Variants in ZPLD1 observed in about 807,000 individuals in gnomAD.
ZPLD1 encodes zona pellucida-like domain-containing protein 1.
Under a neutral mutation model 47.2 loss-of-function variants are expected in ZPLD1, and 34 were observed. The observed-to-expected ratio is 0.72, with a 90% CI of 0.55 to 0.96. The LOEUF (loss-of-function observed/expected upper bound fraction) is 0.96, where lower values mean the gene tolerates loss of function less well. ZPLD1 is among the 40% of genes least tolerant of loss of function. The pLI is 0.00. For missense variants in ZPLD1, 512 were observed against 505.8 expected (o/e 1.01, Z -0.12); for synonymous variants, 176 against 186.2 (o/e 0.95, Z 0.45).
intron 6 of ZPLD1, among the ~76,000 whole-genome samples, chr3:102,390,172 G>A (rs13315672): frequency 0.44 from 66,871 of 151,850 alleles, 15,834 homozygotes; most frequent in African/African-American, 0.59. Context: ...TCAAATAAAC[G>A]TACAATCTAT....
chr3:102,395,960 T>A (rs1362905971), intron 7 of ZPLD1, among the ~76,000 whole-genome samples: 1 of 152,210 alleles, frequency 6.6e-6, no homozygotes, highest in Admixed American at 6.5e-5. Context: ...GGTCTTGACA[T>A]GCTGCTTTTA....
At chr3:102,463,419 C>T (rs1707540453) in intron 7 of ZPLD1, among the ~76,000 whole-genome samples, 1 of 152,192 alleles carries the variant, frequency 6.6e-6, no homozygotes, top group Admixed American at 6.5e-5. Flanking sequence ...AACATATAAG[C>T]ATCTATGTAG....
chr3:102,396,330 C>T (rs962664497), intron 7 of ZPLD1, among the ~76,000 whole-genome samples: 3 of 152,070 alleles, frequency 2.0e-5, no homozygotes, highest in Admixed American at 6.6e-5. Context: ...TTTTTGAAGA[C>T]GTTTAAGTGA....
At chr3:102,407,947 G>A (rs1423572561) in intron 7 of ZPLD1, among the ~76,000 whole-genome samples, 1 of 151,832 alleles carries the variant, frequency 6.6e-6, no homozygotes, top group Non-Finnish European at 1.5e-5. Context: ...TGTCACAGAG[G>A]CAAGGAGGAG....
intron 3 of ZPLD1, among the ~76,000 whole-genome samples, chr3:102,447,282 T>A (rs1308136119): frequency 6.6e-6 from 1 of 152,174 alleles, no homozygotes; most frequent in African/African-American, 2.4e-5. Context: ...GCCAGGATGG[T>A]CTTGATCTCT....
At chr3:102,387,850 C>CTTTTTTTTTTTTT (rs1023132648) in intron 6 of ZPLD1, among the ~76,000 whole-genome samples, 1 of 80,626 alleles carries the variant, frequency 1.2e-5, no homozygotes, top group Non-Finnish European at 2.2e-5. Context: ...CTGAGAAATT[C>CTTTTTTTTTTTTT]TTTTTTTTTT....
chr3:102,447,089 CAG>C (rs753907817), intron 3 of ZPLD1, among the ~76,000 whole-genome samples: 21 of 151,942 alleles, frequency 1.4e-4, no homozygotes, highest in Non-Finnish European at 3.1e-4. Flanking sequence ...TCCTTTGAGA[CAG>C]AGTCTCGCTC....
At position 102,425,668 on chromosome 3, in the gene ZPLD1, G is replaced by A. The variant is rs112749826; in HGVS notation, c.-9+7461G>A. ...AGCTGAAAGTTGTGTTTAGCGTTAT[G>A]TCTTACATCCCCAACTTTGACTATG... On this transcript the variant is annotated intron_variant, in intron 8 of 17. Coordinates refer to the ZPLD1 transcript ENST00000491959. 7.2e-3 allele frequency among the ~76,000 whole-genome samples: 1,088 copies of A among 152,076 alleles called. 9 individuals are homozygous for A. The highest frequency in any genetic ancestry group is 0.025 in the African/African-American group (1,033 of 41,478).
chr3:102,426,134 A>G (rs1490962607), intron 8 of ZPLD1, among the ~76,000 whole-genome samples: 21 of 85,100 alleles, frequency 2.5e-4, no homozygotes, highest in Admixed American at 1.8e-3. Flanking sequence ...ACACACATGC[A>G]CACACACACA....
chr3:102,410,896 TC>T (rs1202382366), intron 7 of ZPLD1, among the ~76,000 whole-genome samples: 1 of 151,826 alleles, frequency 6.6e-6, no homozygotes, highest in African/African-American at 2.4e-5. Context: ...CAGATTTGTG[TC>T]ATGCTTCAAA....
intron 7 of ZPLD1, among the ~76,000 whole-genome samples, chr3:102,414,203 C>A (rs17770811): frequency 6.6e-6 from 1 of 151,830 alleles, no homozygotes; most frequent in African/African-American, 2.4e-5. Context: ...TCAGGACAAA[C>A]TCCCACAATT....
intron 7 of ZPLD1, among the ~76,000 whole-genome samples, chr3:102,396,838 C>T (rs1420711906): frequency 1.3e-5 from 2 of 152,100 alleles, no homozygotes; most frequent in East Asian, 3.9e-4. Flanking sequence ...CCACATCTGG[C>T]AATTTCTCTA....
chr3:102,404,763 G>C (rs1019938165), intron 7 of ZPLD1, among the ~76,000 whole-genome samples: 3 of 151,966 alleles, frequency 2.0e-5, no homozygotes, highest in Admixed American at 1.3e-4. Flanking sequence ...TCAACTCTAA[G>C]TGCTTGGACA....
At chr3:102,410,621 CT>C (rs2107298663) in intron 7 of ZPLD1, among the ~76,000 whole-genome samples, 1 of 151,306 alleles carries the variant, frequency 6.6e-6, no homozygotes, top group South Asian at 2.1e-4. Context: ...ATGAGGTAGT[CT>C]TTCAGCAACC....
rs16845052 is a variant in ZPLD1 at position 102,473,345 on chromosome 3, C to T, written c.1042+2843C>T. Among the ~76,000 whole-genome samples the T allele has an allele frequency of 8.8e-3, 1,341 of 152,318 alleles. 18 individuals carry two copies. The highest frequency in any genetic ancestry group is 0.03 in the African/African-American group (1,268 of 41,574). On this transcript the variant is annotated intron_variant, in intron 10 of 11. Transcript: ENST00000466937. ...AGGTTTATAGGTTTCATCCATCCCA[C>T]ATCCAGTTGCCCAAAATATCTATGT...
At chr3:102,467,131 C>T (rs766048478) in intron 8 of ZPLD1, among the ~76,000 whole-genome samples, 3 of 151,988 alleles carry the variant, frequency 2.0e-5, no homozygotes, top group East Asian at 1.9e-4. Context: ...AAAATCTAAA[C>T]GACATACGCA....
At chr3:102,447,657 A>T (rs1008419817) in intron 3 of ZPLD1, among the ~76,000 whole-genome samples, 1 of 152,212 alleles carries the variant, frequency 6.6e-6, no homozygotes, top group African/African-American at 2.4e-5. Flanking sequence ...TACTGAGATG[A>T]ACTGAAAATG....
chr3:102,445,219 C>A (rs1707239648), intron 3 of ZPLD1, among the ~76,000 whole-genome samples: 1 of 152,180 alleles, frequency 6.6e-6, no homozygotes, highest in African/African-American at 2.4e-5. Context: ...GTTTCACACA[C>A]TGCCACTGGA....
At chr3:102,450,001 T>C (rs1444046231) in intron 3 of ZPLD1, among the ~76,000 whole-genome samples, 4 of 152,200 alleles carry the variant, frequency 2.6e-5, no homozygotes, top group East Asian at 3.8e-4. Flanking sequence ...ATGGGACTTA[T>C]AGTTTATTAA....
Sources: gnomAD v4.1 joint callset for allele counts (sites outside exome capture counted in the v4.1 genomes callset) on GRCh38, gnomAD v4.1.1 for gene constraint, MANE v1.5 for transcripts, NCBI Gene and HGNC (gene_info 2026-07-23, HGNC 2026-07-21) for gene names.